VWF: variants seen among roughly 807,000 people sequenced by gnomAD.
VWF encodes Factor VIII related antigen.
Under a neutral mutation model 308.6 loss-of-function variants are expected in VWF, and 176 were observed. That is an observed-to-expected ratio of 0.57 (90% CI 0.50 to 0.65). The LOEUF is 0.65. VWF is among the 30% of genes least tolerant of loss of function. VWF has a pLI of 0.00. For missense variants in VWF, 3,146 were observed against 3,648.2 expected (o/e 0.86, Z 3.55); for synonymous variants, 1,385 against 1,443.4 (o/e 0.96, Z 0.92).
chr12:6,068,296 G>A (rs932767294), intron 10 of VWF, among the ~76,000 whole-genome samples: 8 of 151,984 alleles, frequency 5.3e-5, no homozygotes, highest in Non-Finnish European at 8.8e-5. Context: ...AGCCCTGGAC[G>A]CGGCTGCCCT....
intron 21 of VWF, among the ~76,000 whole-genome samples, chr12:6,030,341 G>A (rs11613586): frequency 0.25 from 38,318 of 152,142 alleles, 5,156 homozygotes; most frequent in African/African-American, 0.32. Flanking sequence ...CAGTTAATAC[G>A]TTATGCTTGC....
chr12:6,040,288 A>T (rs146251047), intron 18 of VWF, among the ~76,000 whole-genome samples: 2 of 152,288 alleles, frequency 1.3e-5, no homozygotes, highest in African/African-American at 4.8e-5. Context: ...ACTAGAGAAA[A>T]ATACCTGGGA....
In VWF at chr12:6,034,539, C is replaced by G. The variant is rs1019027012; in HGVS notation, c.2685+149G>C. On this transcript the variant is annotated intron_variant, in intron 20 of 51. Coordinates refer to ENST00000261405, the MANE Select transcript of VWF (RefSeq NM_000552.5). ...GCTTCAAATCCCCTACCGCTTCAGGCACTTCTGTGAAGGACTGGGAAGTAC... is the reference window on the plus strand; with the variant it reads ...GCTTCAAATCCCCTACCGCTTCAGGGACTTCTGTGAAGGACTGGGAAGTAC... 1.7e-5 allele frequency: 21 copies of G among 1,204,022 alleles called. No individual in the cohort carries two copies. The East Asian group carries it at 5.0e-4, about 29-fold the overall frequency. The allele number at this position is 1,204,022 out of a possible 1,614,324, so 74.6% of individuals were successfully genotyped here.
At chr12:5,972,596 G>A in intron 43 of VWF, among the ~76,000 whole-genome samples, 1 of 152,162 alleles carries the variant, frequency 6.6e-6, no homozygotes, top group South Asian at 2.1e-4. Context: ...CACAACACGT[G>A]TGCCTCTCTC....
rs1403649370 is a variant in VWF at position 6,092,622 on chromosome 12, T to TGA, written c.657+2837_657+2838insTC. Among the ~76,000 whole-genome samples, 165 of 91,528 alleles carry TGA rather than the reference T, an allele frequency of 1.8e-3. 1 individual carries two copies. Among genetic ancestry groups the TGA allele is most frequent in the Middle Eastern group, 4.7e-3 (1 of 212 alleles). 60.0% of individuals were successfully genotyped at this position (91,528 alleles called of 152,430 possible). ...GCTAGTTAGTGAGTGAGTGAGAGTG[T>TGA]GTGTGTGTGTGTGTGTGTGTGTGTG... is the stretch of plus-strand genomic sequence containing the variant. On this transcript the variant is annotated intron_variant, in intron 6 of 51. Coordinates refer to ENST00000261405, the MANE Select transcript of VWF (RefSeq NM_000552.5).
chr12:6,089,455 C>A (rs1271947665), intron 6 of VWF, among the ~76,000 whole-genome samples: 1 of 152,184 alleles, frequency 6.6e-6, no homozygotes, highest in African/African-American at 2.4e-5. Context: ...TTAGTAAGGA[C>A]TTTAATGCAC....
At chr12:6,040,210 G>C (rs1253844525) in intron 18 of VWF, among the ~76,000 whole-genome samples, 1 of 152,130 alleles carries the variant, frequency 6.6e-6, no homozygotes, top group Non-Finnish European at 1.5e-5. Context: ...ACCTAGTGGT[G>C]GTAGCAGGTA....
intron 42 of VWF, among the ~76,000 whole-genome samples, chr12:5,981,374 A>G (rs562688381): frequency 1.2e-4 from 18 of 152,354 alleles, no homozygotes; most frequent in African/African-American, 4.1e-4. Context: ...ACATGTATGT[A>G]TAACTATTAA....
intron 5 of VWF, among the ~76,000 whole-genome samples, chr12:6,101,174 T>G (rs1379272845): frequency 6.6e-6 from 1 of 152,172 alleles, no homozygotes; most frequent in Non-Finnish European, 1.5e-5. Context: ...TGAGAGAGAA[T>G]TAGTGGATTA....
At chr12:6,096,638 C>T (rs371643838) in intron 5 of VWF, among the ~76,000 whole-genome samples, 2 of 152,150 alleles carry the variant, frequency 1.3e-5, no homozygotes, top group East Asian at 3.9e-4. Flanking sequence ...AAGCCCAGTC[C>T]CCAAGTCACT....
rs1226974963 is a variant in VWF, at chr12:6,056,942, C to T, written c.1860G>A (p.Glu620=). Residue 620 remains glutamate, a synonymous_variant, in exon 15 of 52, where the codon GAG becomes GAA. Transcript: ENST00000261405. The part of the protein sequence containing the change: ...YDVCSCSDGR[E]CLCGALASYA... ...AGCTGGCCAGGGCGCCGCACAGGCACTCGCGGCCGTCCGAGCAGGAGCACA... is the reference window on the plus strand; with the variant it reads ...AGCTGGCCAGGGCGCCGCACAGGCATTCGCGGCCGTCCGAGCAGGAGCACA... 19 of 1,536,546 alleles carry T rather than the reference C, an allele frequency of 1.2e-5. No individual in the cohort carries two copies. The highest frequency in any genetic ancestry group is 1.7e-5 in the Non-Finnish European group (19 of 1,146,554).
intron 5 of VWF, among the ~76,000 whole-genome samples, chr12:6,099,667 G>A (rs1945140364): frequency 6.6e-6 from 1 of 152,076 alleles, no homozygotes. Flanking sequence ...AATAAATGGT[G>A]CTGGGAAAAC....
intron 18 of VWF, among the ~76,000 whole-genome samples, chr12:6,043,113 T>C (rs74058504): frequency 0.039 from 6,014 of 152,278 alleles, 149 homozygotes; most frequent in Middle Eastern, 0.068. Context: ...AAGGTGCTCA[T>C]TGGCCAATCG....
In VWF at chr12:6,036,447, G is replaced by A. The variant is rs1199425803; in HGVS notation, c.2487C>T (p.Cys829=). ...NRCVALERCP[C]FHQGKEYAPG... The stretch of plus-strand genomic sequence containing the variant: ...GGGCATACTCCTTGCCCTGATGGAA[G>A]CAGGGACACCTTTCCAGGGCCACAC... Residue 829 remains cysteine, a synonymous_variant, in exon 19 of 52, where the codon TGC becomes TGT. Coordinates refer to ENST00000261405, the MANE Select transcript of VWF (RefSeq NM_000552.5). 1.2e-6 allele frequency: 2 copies of A among 1,614,122 alleles called. No individual in the cohort carries two copies. Among genetic ancestry groups the A allele is most frequent in the African/African-American group, 2.7e-5 (2 of 74,940 alleles).
At chr12:6,116,794 G>A (rs1030437022) in intron 3 of VWF, among the ~76,000 whole-genome samples, 6 of 152,186 alleles carry the variant, frequency 3.9e-5, no homozygotes, top group Non-Finnish European at 5.9e-5. Context: ...CTTCGTGTGC[G>A]TACATAAACA....
In VWF at chr12:5,967,579, A is replaced by G. The variant is rs745928802; in HGVS notation, c.7794T>C (p.Asp2598=). The G allele has an allele frequency of 3.7e-6, 6 of 1,613,888 alleles. No homozygotes were observed. The highest frequency in any genetic ancestry group is 3.3e-5 in the South Asian group (3 of 91,068). Residue 2598 remains aspartate (D), a synonymous_variant, in exon 47 of 52, where the codon GAT becomes GAC. Coordinates refer to ENST00000261405, the MANE Select transcript of VWF (RefSeq NM_000552.5). ...CCATGCAGCGGCAGGTCGTGCACAC[A>G]TCGATCATCACAGTCTTCCCGGGCT... ...VIGPGKTVMI[D]VCTTCRCMVQ...
rs544442717 is a variant in VWF at position 6,018,432 on chromosome 12, A to G, written c.4986T>C (p.Pro1662=). 4.1e-5 allele frequency: 66 copies of G among 1,612,878 alleles called. No individual in the cohort carries two copies. The South Asian group carries it at 6.9e-4, about 17-fold the overall frequency. The change falls in exon 28 of 52, where the codon CCT becomes CCC. Residue 1662 remains proline, a synonymous_variant. Transcript: ENST00000261405. ...QDFETLPREA[P]DLVLQRCCSG... is the part of the protein sequence containing the mutation. ...AGCAGCACCTCTGCAGCACCAGGTC[A>G]GGAGCCTCTCGGGGGAGCGTCTCAA...
At chr12:6,092,610 T>TGAGTGA (rs1555073684) in intron 6 of VWF, among the ~76,000 whole-genome samples, 2 of 56,998 alleles carry the variant, frequency 3.5e-5, no homozygotes, top group Non-Finnish European at 7.1e-5. Context: ...AGTTAGTGAG[T>TGAGTGA]GAGTGAGAGT....
chr12:6,038,666 G>C lies in VWF; in HGVS notation c.2443-2175C>G, dbSNP rs141621203. Among the ~76,000 whole-genome samples, 141 of 152,354 alleles carry C rather than the reference G, an allele frequency of 9.3e-4. 1 individual carries two copies. Among genetic ancestry groups the C allele is most frequent in the African/African-American group, 3.3e-3 (136 of 41,584 alleles). ...CTCCTCCTCCTTCTGAGCACCCACTGCAAACCACGTGGCTGCTCTCTGCCG... is the reference window on the plus strand; with the variant it reads ...CTCCTCCTCCTTCTGAGCACCCACTCCAAACCACGTGGCTGCTCTCTGCCG... On this transcript the variant is annotated intron_variant, in intron 18 of 51. Coordinates refer to ENST00000261405, the MANE Select transcript of VWF (RefSeq NM_000552.5).
Sources: gnomAD v4.1 joint callset for allele counts (sites outside exome capture counted in the v4.1 genomes callset) on GRCh38, gnomAD v4.1.1 for gene constraint, MANE v1.5 for transcripts, NCBI Gene and HGNC (gene_info 2026-07-23, HGNC 2026-07-21) for gene names.